The following DRC11 variants were observed in gnomAD, a reference collection of about 807,000 sequenced individuals.
DRC11 encodes IQ and AAA domain-containing protein 1.
chr2:236,389,452 T>C, the DRC11 span, among the ~76,000 whole-genome samples: 1 of 152,222 alleles, frequency 6.6e-6, no homozygotes, highest in Admixed American at 6.5e-5. Flanking sequence ...CCCCTTTCTT[T>C]GACTCAGAAA....
chr2:236,310,018 G>A, the DRC11 span, among the ~76,000 whole-genome samples: 656 of 152,306 alleles, frequency 4.3e-3, 3 homozygotes, highest in African/African-American at 0.015. The surrounding 1 kb of genome is among the most constrained non-coding windows in gnomAD (Gnocchi z 5.5). Flanking sequence ...GTGCCTGCCC[G>A]CAGTTTGATC....
At chr2:236,400,421 C>G in the DRC11 span, among the ~76,000 whole-genome samples, 2 of 152,228 alleles carry the variant, frequency 1.3e-5, no homozygotes, top group Admixed American at 6.5e-5. The surrounding 1 kb of genome is among the most constrained non-coding windows in gnomAD (Gnocchi z 7.9). Flanking sequence ...CACAACACCC[C>G]CTCTGCCCCT....
chr2:236,329,901 A>C, the DRC11 span, among the ~76,000 whole-genome samples: 1,494 of 152,300 alleles, frequency 9.8e-3, 78 homozygotes, highest in East Asian at 0.068. Context: ...CTTTTCTTGA[A>C]TAGTGTGATC....
the DRC11 span, among the ~76,000 whole-genome samples, chr2:236,341,593 G>A: frequency 6.6e-6 from 1 of 152,198 alleles, no homozygotes; most frequent in African/African-American, 2.4e-5. Context: ...TAAGACAAGA[G>A]GGCCCCAAAG....
the DRC11 span, among the ~76,000 whole-genome samples, chr2:236,383,869 G>A: frequency 4.1e-5 from 6 of 147,102 alleles, no homozygotes; most frequent in Admixed American, 2.8e-4. Context: ...CTGTGTCCAT[G>A]TGATCTCATT....
chr2:236,424,987 G>A, the DRC11 span, among the ~76,000 whole-genome samples: 1 of 152,078 alleles, frequency 6.6e-6, no homozygotes, highest in Non-Finnish European at 1.5e-5. Flanking sequence ...ACAAATGACA[G>A]AAATTTCCTT....
chr2:236,357,468 TTAC>T, the DRC11 span, among the ~76,000 whole-genome samples: 3 of 126,682 alleles, frequency 2.4e-5, no homozygotes, highest in African/African-American at 3.2e-5. Context: ...TATTTACATA[TTAC>T]ATGTATATTT....
At chr2:236,479,364 G>C in the DRC11 span, among the ~76,000 whole-genome samples, 1 of 152,134 alleles carries the variant, frequency 6.6e-6, no homozygotes. This position sits in a 1 kb window ranked among gnomAD's most constrained non-coding sequence, Gnocchi z 4.1. Context: ...TGATAGGTAA[G>C]AATGTACTAC....
chr2:236,386,082 T>G, the DRC11 span, among the ~76,000 whole-genome samples: 1,734 of 123,812 alleles, frequency 0.014, no homozygotes, highest in South Asian at 0.02. Context: ...TATTGAGAAT[T>G]TTTGCATCAA....
the DRC11 span, among the ~76,000 whole-genome samples, chr2:236,383,302 TG>T: frequency 6.6e-6 from 1 of 152,198 alleles, no homozygotes; most frequent in Admixed American, 6.5e-5. Context: ...TAATTTCCTC[TG>T]TTCTATTTCT....
chr2:236,412,680 C>T, the DRC11 span: 1 of 152,310 alleles, frequency 6.6e-6, no homozygotes, highest in African/African-American at 2.4e-5. Flanking sequence ...GGCAAGTCAT[C>T]CTTTGTGGTA....
the DRC11 span, among the ~76,000 whole-genome samples, chr2:236,383,036 C>T: frequency 3.9e-5 from 6 of 152,068 alleles, no homozygotes; most frequent in South Asian, 2.1e-4. Flanking sequence ...AATAAAAACC[C>T]GAAGTTTATT....
chr2:236,414,000 T>C, the DRC11 span, among the ~76,000 whole-genome samples: 1 of 152,246 alleles, frequency 6.6e-6, no homozygotes, highest in African/African-American at 2.4e-5. The surrounding 1 kb of genome is among the most constrained non-coding windows in gnomAD (Gnocchi z 4.0). Context: ...GGCACTAGCA[T>C]TGTCTTCTGT....
the DRC11 span, among the ~76,000 whole-genome samples, chr2:236,491,179 ATACACACAG>A: frequency 1.8e-3 from 95 of 52,966 alleles, 5 homozygotes; most frequent in African/African-American, 8.9e-3. Flanking sequence ...ATATATATAT[ATACACACAG>A]TATATATATA....
At chr2:236,380,536 C>G in the DRC11 span, 8 of 1,516,728 alleles carry the variant, frequency 5.3e-6, no homozygotes, top group Non-Finnish European at 7.2e-6. The surrounding 1 kb of genome is among the most constrained non-coding windows in gnomAD (Gnocchi z 4.9). Context: ...GGGCTGCTCA[C>G]GCGCATCACA....
chr2:236,357,278 T>TTCG, the DRC11 span, among the ~76,000 whole-genome samples: 1 of 118,616 alleles, frequency 8.4e-6, no homozygotes, highest in Non-Finnish European at 1.6e-5. Flanking sequence ...TATACATATA[T>TTCG]TATATATTTA....
chr2:236,443,741 A>G, the DRC11 span, among the ~76,000 whole-genome samples: 6 of 152,208 alleles, frequency 3.9e-5, no homozygotes, highest in African/African-American at 1.4e-4. This position sits in a 1 kb window ranked among gnomAD's most constrained non-coding sequence, Gnocchi z 4.4. Flanking sequence ...ATACCCAGTA[A>G]TGGGATTGCT....
the DRC11 span, among the ~76,000 whole-genome samples, chr2:236,465,332 T>A: frequency 6.6e-6 from 1 of 152,174 alleles, no homozygotes; most frequent in Admixed American, 6.5e-5. The surrounding 1 kb of genome is among the most constrained non-coding windows in gnomAD (Gnocchi z 6.2). Flanking sequence ...GGGCCGTTTT[T>A]CCATATTTAA....
chr2:236,488,183 A>G, the DRC11 span: 1 of 1,585,816 alleles, frequency 6.3e-7, no homozygotes, highest in African/African-American at 1.4e-5. Context: ...TACTCTTTAC[A>G]GGGTATTTCT....
Sources: gnomAD v4.1 joint callset for allele counts (sites outside exome capture counted in the v4.1 genomes callset) on GRCh38, gnomAD v4.1.1 for gene constraint, Gnocchi (gnomAD v3.1) non-coding constraint, MANE v1.5 for transcripts, NCBI Gene and HGNC (gene_info 2026-07-23, HGNC 2026-07-21) for gene names.